The following RFX7 variants were observed in gnomAD, a reference collection of about 807,000 sequenced individuals.
The protein encoded by RFX7 is regulatory factor X7, also known as DNA-binding protein RFX7.
Under a neutral mutation model 111.8 loss-of-function variants are expected in RFX7, and 26 were observed. The ratio of observed to expected loss-of-function variants is 0.23; its 90% CI spans 0.17 to 0.32. RFX7 has a LOEUF of 0.32. RFX7 is among the 10% of genes least tolerant of loss of function. RFX7 has a pLI of 1.00. For missense variants in RFX7, 1,573 were observed against 1,772.9 expected, an observed-to-expected ratio of 0.89 and a Z score of 2.02; for synonymous variants, 624 against 624.4, an observed-to-expected ratio of 1.00 and a Z score of 0.01.
chr15:56,140,385 G>A (rs1567023951), intron 5 of RFX7, among the ~76,000 whole-genome samples: 1 of 152,028 alleles, frequency 6.6e-6, no homozygotes, highest in Non-Finnish European at 1.5e-5. Flanking sequence ...TTTTCCAGGT[G>A]CCGTCCGTCA....
In RFX7 at chr15:56,093,790, G is replaced by T; in HGVS notation, c.3938C>A (p.Thr1313Lys). 1 of 1,613,894 alleles carries T rather than the reference G, an allele frequency of 6.2e-7. No individual in the cohort carries two copies. Among genetic ancestry groups the T allele is most frequent in the East Asian group, 2.2e-5 (1 of 44,880 alleles). The change falls in exon 10 of 10, where the codon ACA (threonine) becomes AAA (lysine). Residue 1313 changes from threonine to lysine, a missense_variant. Coordinates refer to ENST00000559447, the MANE Select transcript of RFX7 (RefSeq NM_022841.7). Reference sequence around the variant, plus strand: ...ATTACTTTTGGTGAGGTAAGATGGTGTTTGGAACTCATAAACAGAAGTGCT... The same window carrying T: ...ATTACTTTTGGTGAGGTAAGATGGTTTTTGGAACTCATAAACAGAAGTGCT... ...DSSTSVYEFQTPSYLTKSNST... is the reference protein window; with the variant it reads ...DSSTSVYEFQKPSYLTKSNST...
chr15:56,102,135 T>G, intron 7 of RFX7, 34 bp downstream of exon 7: 1 of 1,477,848 alleles, frequency 6.8e-7, no homozygotes, highest in Non-Finnish European at 9.4e-7. Context: ...AAGGTACAAT[T>G]TTACTTATTA....
rs1363882412 is a variant in RFX7, at chr15:56,095,678, T to C, written c.2050A>G (p.Thr684Ala). The stretch of plus-strand genomic sequence containing the variant: ...CTGCCTTGTTTCTGCCCTTCTATGG[T>C]AGCTGCTGAAAGCTGTTCCACAATT... ...KPIVEQLSAA[T>A]IEGQKQGSVK... The change falls in exon 10 of 10, where the codon ACC becomes GCC. Residue 684 changes from threonine (T) to alanine (A), a missense_variant. Thr to Ala is a moderately conservative substitution (Grantham distance 58). This residue lies in a region of RFX7 where 625 missense variants were observed against 632.2 expected (regional missense o/e 0.99). Transcript: ENST00000559447. The C allele has an allele frequency of 1.9e-6, 3 of 1,614,022 alleles. No homozygotes were observed. The highest frequency in any genetic ancestry group is 4.5e-5 in the East Asian group (2 of 44,884).
chr15:56,222,682 T>C (rs1341237830), intron 2 of RFX7, among the ~76,000 whole-genome samples: 1 of 152,182 alleles, frequency 6.6e-6, no homozygotes, highest in Admixed American at 6.5e-5. Context: ...AGCTCTACTT[T>C]GGCTGATATT....
Position 56,197,261 on chromosome 15 carries a change from T to A in RFX7, c.162-17958A>T, listed in dbSNP as rs183105050. 2.8e-4 allele frequency among the ~76,000 whole-genome samples: 43 copies of A among 152,308 alleles called. 1 individual carries two copies. The highest frequency in any genetic ancestry group is 9.4e-4 in the African/African-American group (39 of 41,554). ...ACTAATAGAAGCTCTTTTTATACTTTAGATACTAATCTTTTGTCAACTACT... is the reference window on the plus strand; with the variant it reads ...ACTAATAGAAGCTCTTTTTATACTTAAGATACTAATCTTTTGTCAACTACT... On this transcript the variant is annotated intron_variant, in intron 2 of 9. Transcript: ENST00000559447.
rs2140504754 is a variant in RFX7, at chr15:56,090,689, AC to A, written c.*2655del. Reference sequence around the variant, plus strand: ...GACAACAAAACACTGGGGAAATCTGACTTTTTGCACTAAATGAAACATGAAA... The same window carrying A: ...GACAACAAAACACTGGGGAAATCTGATTTTTGCACTAAATGAAACATGAAA... On this transcript the variant is annotated 3_prime_UTR_variant, in exon 10 of 10. Coordinates refer to ENST00000559447, the MANE Select transcript of RFX7 (RefSeq NM_022841.7). 6.5e-6 allele frequency: 1 copy of A among 152,720 alleles called. No individual in the cohort carries two copies. The highest frequency in any genetic ancestry group is 2.1e-4 in the South Asian group (1 of 4,820). The allele number at this position is 152,720 out of a possible 1,614,324, so 9.5% of individuals were successfully genotyped here.
chr15:56,113,724 A>G (rs1175385318), intron 5 of RFX7, among the ~76,000 whole-genome samples: 1 of 152,082 alleles, frequency 6.6e-6, no homozygotes, highest in African/African-American at 2.4e-5. Context: ...TTACATCATT[A>G]AATTTTTTCC....
At chr15:56,139,124 A>G (rs374944789) in intron 5 of RFX7, among the ~76,000 whole-genome samples, 26 of 151,884 alleles carry the variant, frequency 1.7e-4, no homozygotes, top group Admixed American at 1.4e-3. Context: ...GAGTATCTTT[A>G]TGGCGTTCTC....
chr15:56,164,261 A>G (rs961491156), intron 3 of RFX7, among the ~76,000 whole-genome samples: 8 of 152,344 alleles, frequency 5.3e-5, no homozygotes, highest in Middle Eastern at 3.4e-3. Flanking sequence ...GAAGAGATCT[A>G]GCTGTGGGTC....
At chr15:56,123,372 G>T (rs1160286351) in intron 5 of RFX7, among the ~76,000 whole-genome samples, 1 of 152,176 alleles carries the variant, frequency 6.6e-6, no homozygotes, top group South Asian at 2.1e-4. Flanking sequence ...GGGAGCTAGA[G>T]CCTGAAATGG....
Position 56,103,609 on chromosome 15 carries a change from T to G in RFX7, c.463A>C (p.Lys155Gln), listed in dbSNP as rs1346870449. The change falls in exon 6 of 10, where the codon AAA (lysine) becomes CAA (glutamine). Residue 155 changes from lysine (K) to glutamine (Q), a missense_variant. Transcript: ENST00000559447. ...GCCTTCATGTTTGGAAAGACGTTTTTCATGATCTTTCCAAAATCAGCAGCA... is the reference window on the plus strand; with the variant it reads ...GCCTTCATGTTTGGAAAGACGTTTTGCATGATCTTTCCAAAATCAGCAGCA... ...LSAADFGKIM[K>Q]NVFPNMKARR... The G allele has an allele frequency of 6.2e-7, 1 of 1,606,766 alleles. No individual in the cohort carries two copies. Among genetic ancestry groups the G allele is most frequent in the South Asian group, 1.1e-5 (1 of 89,166 alleles).
intron 5 of RFX7, among the ~76,000 whole-genome samples, chr15:56,113,239 CAT>C (rs763140019): frequency 3.3e-5 from 5 of 152,130 alleles, no homozygotes; most frequent in Admixed American, 6.5e-5. Flanking sequence ...ATAGCAAAAA[CAT>C]AGAACCAACC....
chr15:56,093,119 A>G lies in RFX7; in HGVS notation c.*226T>C. On this transcript the variant is annotated 3_prime_UTR_variant, in exon 10 of 10. Coordinates refer to ENST00000559447, the MANE Select transcript of RFX7 (RefSeq NM_022841.7). ...TCAATGTGAATAAATGGGGCACATT[A>G]TAAAATTTAAAACCTAATACTTGTT... 2.2e-6 allele frequency: 1 copy of G among 459,578 alleles called. No homozygotes were observed. The highest frequency in any genetic ancestry group is 3.2e-5 in the East Asian group (1 of 30,964). The allele number at this position is 459,578 out of a possible 1,614,324, so 28.5% of individuals were successfully genotyped here.
intron 2 of RFX7, among the ~76,000 whole-genome samples, chr15:56,211,774 G>C (rs763921945): frequency 2.0e-5 from 3 of 152,232 alleles, no homozygotes; most frequent in African/African-American, 7.2e-5. Flanking sequence ...CACATGAAGA[G>C]ATGCTCCATA....
At chr15:56,096,745 TAGAAG>T in intron 9 of RFX7, 125 bp from the exon 10 acceptor site, 1 of 1,015,248 alleles carries the variant, frequency 9.8e-7, no homozygotes, top group Non-Finnish European at 1.4e-6. Context: ...GTTCCTATGT[TAGAAG>T]AGAGTTCTTC....
chr15:56,168,509 G>T (rs1026675188), intron 3 of RFX7, among the ~76,000 whole-genome samples: 2 of 152,158 alleles, frequency 1.3e-5, no homozygotes. Context: ...ATAGTACATG[G>T]TAATAGCTTT....
chr15:56,171,768 T>C (rs2141110731), intron 3 of RFX7, among the ~76,000 whole-genome samples: 1 of 152,286 alleles, frequency 6.6e-6, no homozygotes, highest in East Asian at 1.9e-4. Context: ...GGGGGTATGA[T>C]ACAAGTTTGG....
At chr15:56,166,960 T>C (rs185852762) in intron 3 of RFX7, among the ~76,000 whole-genome samples, 166 of 152,238 alleles carry the variant, frequency 1.1e-3, no homozygotes, top group African/African-American at 3.9e-3. Context: ...CCAAGGAGCA[T>C]ATTTTGGGAA....
chr15:56,158,350 T>C lies in RFX7; in HGVS notation c.196-13867A>G, dbSNP rs913275520. Among the ~76,000 whole-genome samples the C allele has an allele frequency of 5.3e-5, 8 of 152,156 alleles. No homozygotes were observed. The East Asian group carries it at 1.2e-3, about 22-fold the overall frequency. ...AATTTTTGTGATATAAAACTTATGA[T>C]AGGTAGTGTTATGTAAATGTTATTA... On this transcript the variant is annotated intron_variant, in intron 3 of 9. Coordinates refer to ENST00000559447, the MANE Select transcript of RFX7 (RefSeq NM_022841.7).
Sources: allele counts gnomAD v4.1 joint callset (sites outside exome capture counted in the v4.1 genomes callset), GRCh38; gene constraint gnomAD v4.1.1; regional missense constraint gnomAD v4.1.1; transcripts MANE v1.5; gene names NCBI Gene and HGNC (gene_info 2026-07-23, HGNC 2026-07-21).